The following ADGRV1 variants were observed in gnomAD, a reference collection of about 807,000 sequenced individuals.
The protein encoded by ADGRV1 is adhesion G protein-coupled receptor V1.
A neutral mutation model predicts 596.2 loss-of-function variants in ADGRV1; 359 were observed. The observed-to-expected ratio is 0.60, with a 90% confidence interval of 0.55 to 0.66. The LOEUF (loss-of-function observed/expected upper bound fraction) is 0.66. Ranked by LOEUF, ADGRV1 falls within the 30% of genes least tolerant of loss-of-function variation. ADGRV1 has a pLI of 0.00. For missense variants in ADGRV1, 7,274 were observed against 7,575.6 expected, an observed-to-expected ratio of 0.96 and a Z score of 1.48; for synonymous variants, 2,681 against 2,679.2, an observed-to-expected ratio of 1.00 and a Z score of -0.02.
chr5:90,855,839 G>T lies in ADGRV1; in HGVS notation c.17693G>T (p.Arg5898Leu). Residue 5898 changes from arginine (R) to leucine (L), a missense_variant, in exon 82 of 90, where the codon CGG becomes CTG. Physicochemically the swap from Arg to Leu is moderately radical, Grantham distance 102. Coordinates refer to ENST00000405460, the MANE Select transcript of ADGRV1 (RefSeq NM_032119.4). Reference protein sequence around the residue: ...SHMSVYAVYARTDNLSSYNEA... With the variant: ...SHMSVYAVYALTDNLSSYNEA... ...ATGTCTGTGTATGCTGTCTATGCTC[G>T]GACTGACAACTTGTCTTCATACAAT... The T allele has an allele frequency of 6.2e-7, 1 of 1,612,966 alleles. No individual in the cohort carries two copies. The highest frequency in any genetic ancestry group is 1.1e-5 in the South Asian group (1 of 90,988).
At chr5:90,778,085 G>T (rs1758437463) in intron 62 of ADGRV1, 42 bp downstream of exon 62, 1 of 1,534,538 alleles carries the variant, frequency 6.5e-7, no homozygotes, top group Non-Finnish European at 8.8e-7. Flanking sequence ...TTTACTCTCT[G>T]TGCTGGTGTG....
At chr5:90,773,661 A>G (rs1455292375) in intron 59 of ADGRV1, among the ~76,000 whole-genome samples, 1 of 152,332 alleles carries the variant, frequency 6.6e-6, no homozygotes, top group East Asian at 1.9e-4. Flanking sequence ...TTTCTTGTGA[A>G]TTAGGCCCTT....
intron 43 of ADGRV1, 59 bp from the exon 44 acceptor site, chr5:90,719,989 A>G (rs1750702895): frequency 2.2e-6 from 3 of 1,334,714 alleles, no homozygotes; most frequent in South Asian, 1.2e-5. Flanking sequence ...AGATTTCGCT[A>G]TATATGTGTT....
chr5:91,088,873 T>C (rs1396786855), intron 86 of ADGRV1, among the ~76,000 whole-genome samples: 1 of 152,184 alleles, frequency 6.6e-6, no homozygotes, highest in African/African-American at 2.4e-5. Context: ...TAGTCTATCA[T>C]TGGGCACAAA....
At chr5:90,883,018 G>T (rs902011261) in intron 83 of ADGRV1, among the ~76,000 whole-genome samples, 10 of 152,092 alleles carry the variant, frequency 6.6e-5, no homozygotes, top group African/African-American at 2.2e-4. Flanking sequence ...CATCAAAATT[G>T]CAGTGCAGTA....
chr5:91,146,596 G>C (rs1400625050), intron 87 of ADGRV1, among the ~76,000 whole-genome samples: 1 of 152,158 alleles, frequency 6.6e-6, no homozygotes, highest in Non-Finnish European at 1.5e-5. Context: ...AGATAAGTAG[G>C]TGAGATATAC....
chr5:90,918,519 G>C (rs1773588901), intron 83 of ADGRV1, among the ~76,000 whole-genome samples: 1 of 152,192 alleles, frequency 6.6e-6, no homozygotes. Flanking sequence ...TATAGAATTT[G>C]AATGTACATA....
intron 1 of ADGRV1, among the ~76,000 whole-genome samples, chr5:90,614,029 A>G (rs1763033276): frequency 6.6e-6 from 1 of 152,184 alleles, no homozygotes; most frequent in Non-Finnish European, 1.5e-5. Context: ...TTAGAGGTAT[A>G]TCTACATTAC....
intron 42 of ADGRV1, among the ~76,000 whole-genome samples, chr5:90,714,782 T>G (rs2149735386): frequency 6.6e-6 from 1 of 152,302 alleles, no homozygotes; most frequent in East Asian, 1.9e-4. Flanking sequence ...CTACCTATCA[T>G]TTTCCTGGAC....
At chr5:90,634,829 T>G (rs1191489281) in intron 9 of ADGRV1, among the ~76,000 whole-genome samples, 1 of 152,004 alleles carries the variant, frequency 6.6e-6, no homozygotes, top group East Asian at 1.9e-4. Context: ...TGATTTGGAA[T>G]TAGAGGGAGA....
intron 27 of ADGRV1, among the ~76,000 whole-genome samples, chr5:90,683,264 G>A (rs144988841): frequency 6.6e-6 from 1 of 152,030 alleles, no homozygotes; most frequent in Non-Finnish European, 1.5e-5. Flanking sequence ...AGGCTGGAGT[G>A]CAGTGACACC....
chr5:91,014,915 C>A (rs1453272150), intron 85 of ADGRV1, among the ~76,000 whole-genome samples: 1 of 151,882 alleles, frequency 6.6e-6, no homozygotes, highest in Non-Finnish European at 1.5e-5. Flanking sequence ...TTCTTGTCTT[C>A]TGCTAGCTTT....
At chr5:90,947,840 G>T (rs2150892544) in intron 83 of ADGRV1, among the ~76,000 whole-genome samples, 1 of 152,104 alleles carries the variant, frequency 6.6e-6, no homozygotes, top group Admixed American at 6.6e-5. Flanking sequence ...TTATTTTATG[G>T]CATAATGACA....
chr5:90,819,917 A>G (rs1442542190), intron 75 of ADGRV1, among the ~76,000 whole-genome samples: 1 of 151,834 alleles, frequency 6.6e-6, no homozygotes, highest in Non-Finnish European at 1.5e-5. Flanking sequence ...AGAGTTCTGT[A>G]GATGTCTGTT....
intron 85 of ADGRV1, among the ~76,000 whole-genome samples, chr5:91,024,856 A>G (rs908887077): frequency 6.6e-6 from 1 of 152,184 alleles, no homozygotes; most frequent in Non-Finnish European, 1.5e-5. Flanking sequence ...AACTTGATGC[A>G]ATAGCCTTGG....
chr5:90,767,796 G>A (rs1005513759), intron 59 of ADGRV1, among the ~76,000 whole-genome samples: 2 of 151,778 alleles, frequency 1.3e-5, no homozygotes, highest in African/African-American at 4.8e-5. Flanking sequence ...CATCAGTGAT[G>A]CCCTCTGGCA....
chr5:90,890,830 T>C (rs10045202), intron 83 of ADGRV1, among the ~76,000 whole-genome samples: 72,029 of 152,004 alleles, frequency 0.47, 18,019 homozygotes, highest in African/African-American at 0.64. Context: ...CTCATCTTCT[T>C]CAACACTTCG....
chr5:90,567,692 T>G (rs1283710998), intron 1 of ADGRV1, among the ~76,000 whole-genome samples: 1 of 152,086 alleles, frequency 6.6e-6, no homozygotes, highest in East Asian at 1.9e-4. Context: ...ATTCAAATCT[T>G]CTTCCCTTTT....
chr5:90,630,582 A>G (rs1422011362), intron 9 of ADGRV1: 1 of 152,214 alleles, frequency 6.6e-6, no homozygotes, highest in Non-Finnish European at 1.5e-5. Flanking sequence ...AATCAATTAA[A>G]TACAGAATCA....
Sources: allele counts gnomAD v4.1 joint callset (sites outside exome capture counted in the v4.1 genomes callset), GRCh38; gene constraint gnomAD v4.1.1; transcripts MANE v1.5; gene names NCBI Gene and HGNC (gene_info 2026-07-23, HGNC 2026-07-21).